NEAT1: variants seen among roughly 807,000 people sequenced by gnomAD.
NEAT1 encodes MENepsilon/beta.
chr11:65,435,401 GA>G (rs1199019686), exon 1 of NEAT1: 1 of 152,102 alleles, frequency 6.6e-6, no homozygotes, highest in Non-Finnish European at 1.5e-5. Flanking sequence ...CCCTAAAATG[GA>G]ATCATACAAG....
At chr11:65,445,271 C>T (rs922833771) in exon 1 of NEAT1, 3 of 152,238 alleles carry the variant, frequency 2.0e-5, no homozygotes, top group African/African-American at 4.8e-5. Context: ...GACTGTGCCT[C>T]GTGTTCAGTT....
exon 1 of NEAT1, chr11:65,439,777 G>A (rs1023475439): frequency 1.3e-5 from 2 of 152,112 alleles, no homozygotes; most frequent in African/African-American, 4.8e-5. Context: ...AAGGTCTTGG[G>A]GGGGGTGTCC....
exon 1 of NEAT1, chr11:65,441,604 T>C (rs1856715337): frequency 6.6e-6 from 1 of 152,332 alleles, no homozygotes; most frequent in Non-Finnish European, 1.5e-5. Flanking sequence ...TATATTTTGA[T>C]ATCCTCCTTA....
At chr11:65,423,075 C>T (rs1856514881) in exon 1 of NEAT1, 1 of 152,258 alleles carries the variant, frequency 6.6e-6, no homozygotes, top group Admixed American at 6.6e-5. Context: ...AACTTGACCT[C>T]TGGGAGGGCG....
chr11:65,436,845 A>G (rs1856662053), exon 1 of NEAT1: 1 of 152,112 alleles, frequency 6.6e-6, no homozygotes, highest in African/African-American at 2.4e-5. Context: ...ATGGGCAAGT[A>G]TATCTGTGAG....
exon 1 of NEAT1, chr11:65,423,484 G>A (rs1856522628): frequency 6.6e-6 from 1 of 152,282 alleles, no homozygotes; most frequent in South Asian, 2.1e-4. Flanking sequence ...GCGGAGGTGA[G>A]GGGTGGTCTG....
exon 1 of NEAT1, chr11:65,426,658 G>A (rs1028995871): frequency 6.6e-6 from 1 of 152,184 alleles, no homozygotes; most frequent in African/African-American, 2.4e-5. Context: ...GGCCATGTAG[G>A]AGAGCATGGT....
At chr11:65,437,221 A>ATG (rs1359754879) in exon 1 of NEAT1, 1 of 142,420 alleles carries the variant, frequency 7.0e-6, no homozygotes, top group Non-Finnish European at 1.5e-5. Flanking sequence ...GTATATATAT[A>ATG]TATATACATA....
At chr11:65,444,263 CTGTGTGTGTGTGTGTG>C (rs66756887) in exon 1 of NEAT1, 8,833 of 254,400 alleles carry the variant, frequency 0.035, 111 homozygotes, top group African/African-American at 0.065. Context: ...AGTCCTCAGA[CTGTGTGTGTGTGTGTG>C]TGTGTGTGTG....
At chr11:65,441,898 A>G (rs925741494) in exon 1 of NEAT1, 10 of 152,256 alleles carry the variant, frequency 6.6e-5, no homozygotes, top group African/African-American at 2.2e-4. Context: ...GGGTGGCTGC[A>G]CAGTCGAGGG....
exon 1 of NEAT1, chr11:65,439,409 A>C (rs1301046080): frequency 6.6e-6 from 1 of 152,186 alleles, no homozygotes; most frequent in Admixed American, 6.5e-5. Flanking sequence ...TTGGCTGTGC[A>C]AGGTGGCTCA....
At chr11:65,432,885 CTG>C (rs1014971585) in exon 1 of NEAT1, 8 of 151,498 alleles carry the variant, frequency 5.3e-5, no homozygotes, top group Non-Finnish European at 7.4e-5. Flanking sequence ...TTATGTCACT[CTG>C]TATACCTTTT....
At chr11:65,428,121 T>C (rs1171712869) in exon 1 of NEAT1, 1 of 152,268 alleles carries the variant, frequency 6.6e-6, no homozygotes, top group Non-Finnish European at 1.5e-5. Flanking sequence ...CTAATCCGTT[T>C]GCATCCTTAT....
At chr11:65,440,004 C>T (rs1329422404) in exon 1 of NEAT1, 1 of 151,906 alleles carries the variant, frequency 6.6e-6, no homozygotes, top group Non-Finnish European at 1.5e-5. Context: ...TGCCTGTAGT[C>T]CCAGCACTGT....
exon 1 of NEAT1, chr11:65,423,404 C>T (rs1856521317): frequency 6.6e-6 from 1 of 152,114 alleles, no homozygotes; most frequent in African/African-American, 2.4e-5. Context: ...TTCGCTCGGC[C>T]TGGGACGGGG....
chr11:65,426,917 C>T (rs1158174016), exon 1 of NEAT1: 1 of 152,164 alleles, frequency 6.6e-6, no homozygotes, highest in Non-Finnish European at 1.5e-5. Context: ...GAAATGGACA[C>T]ATAATATGCA....
exon 1 of NEAT1, chr11:65,423,261 A>T (rs1163228056): frequency 6.6e-6 from 1 of 152,646 alleles, no homozygotes; most frequent in East Asian, 1.9e-4. Context: ...GCTAATCTTC[A>T]ACTTGTCCAT....
exon 1 of NEAT1, chr11:65,432,214 A>G (rs915017308): frequency 1.3e-5 from 2 of 151,978 alleles, no homozygotes; most frequent in Admixed American, 6.6e-5. Flanking sequence ...TGGTTTTTAT[A>G]ATTTTCTATT....
exon 1 of NEAT1, chr11:65,434,728 A>G (rs1165646612): frequency 6.6e-6 from 1 of 151,902 alleles, no homozygotes; most frequent in African/African-American, 2.4e-5. Flanking sequence ...ATTTTTCTCC[A>G]TTCTGCCCTG....
Sources: allele counts gnomAD v4.1 joint callset, GRCh38; gene constraint gnomAD v4.1.1; transcripts MANE v1.5; gene names NCBI Gene and HGNC (gene_info 2026-07-23, HGNC 2026-07-21).